The following LSAMP variants were observed in gnomAD, a reference collection of about 807,000 sequenced individuals.
LSAMP encodes the protein limbic system associated membrane protein.
Under a neutral mutation model 38.6 loss-of-function variants are expected in LSAMP, and 7 were observed. That is an observed-to-expected ratio of 0.18 (90% CI 0.10 to 0.34). The LOEUF is 0.34. LSAMP is among the 10% of genes least tolerant of loss of function. The probability of loss-of-function intolerance (pLI) is 1.00; values close to 1 mark genes in which losing one functional copy is unlikely to be tolerated. For missense variants in LSAMP, 313 were observed against 420.0 expected (o/e 0.75, Z 2.23); for synonymous variants, 154 against 166.8 (o/e 0.92, Z 0.59).
chr3:115,910,519 A>T (rs1439720369), intron 3 of LSAMP, among the ~76,000 whole-genome samples: 2 of 152,222 alleles, frequency 1.3e-5, no homozygotes, highest in African/African-American at 4.8e-5. Context: ...GTTTTAAGAA[A>T]TAATACAGAG....
chr3:116,332,412 T>C (rs926838595), intron 1 of LSAMP, among the ~76,000 whole-genome samples: 1 of 152,122 alleles, frequency 6.6e-6, no homozygotes, highest in Admixed American at 6.6e-5. Context: ...TAAACTGATA[T>C]AAATCCAAAT....
In LSAMP at chr3:115,926,393, G is replaced by A. The variant is rs57772041; in HGVS notation, c.515-73776C>T. On this transcript the variant is annotated intron_variant, in intron 3 of 6. Coordinates refer to ENST00000490035, the MANE Select transcript of LSAMP (RefSeq NM_002338.5). ...AAGAACAGAGGACAGGAAATCACAC[G>A]GAAATGGTTTTGAACCAACATATAC... Among the ~76,000 whole-genome samples, 1,058 of 152,286 alleles carry A rather than the reference G, an allele frequency of 6.9e-3. 12 individuals are homozygous for A. Among genetic ancestry groups the A allele is most frequent in the African/African-American group, 0.023 (965 of 41,570 alleles).
In LSAMP at chr3:115,847,750, T is replaced by C. The variant is rs530031650; in HGVS notation, c.649+4733A>G. On this transcript the variant is annotated intron_variant, in intron 4 of 6. Coordinates refer to ENST00000490035, the MANE Select transcript of LSAMP (RefSeq NM_002338.5). Reference sequence around the variant, plus strand: ...GTTTCCCCTTTGCTTTCTACCATGATTGTAAGTTTCCTGAGGCCTCCCCAG... The same window carrying C: ...GTTTCCCCTTTGCTTTCTACCATGACTGTAAGTTTCCTGAGGCCTCCCCAG... Among the ~76,000 whole-genome samples the C allele has an allele frequency of 6.5e-4, 99 of 152,326 alleles. 1 individual carries two copies. The highest frequency in any genetic ancestry group is 2.1e-3 in the African/African-American group (89 of 41,574).
At chr3:116,042,588 C>T (rs909943418) in intron 2 of LSAMP, among the ~76,000 whole-genome samples, 2 of 152,058 alleles carry the variant, frequency 1.3e-5, no homozygotes, top group African/African-American at 4.8e-5. Flanking sequence ...TGCCACCATG[C>T]CCGGTTAATT....
At chr3:116,265,950 TTG>T (rs1399999522) in intron 1 of LSAMP, among the ~76,000 whole-genome samples, 5 of 101,946 alleles carry the variant, frequency 4.9e-5, no homozygotes, top group Non-Finnish European at 1.3e-4. Context: ...GTTTAAAAAG[TTG>T]TGGGGTTTTT....
chr3:116,158,919 C>G (rs1709819970), intron 1 of LSAMP, among the ~76,000 whole-genome samples: 1 of 151,820 alleles, frequency 6.6e-6, no homozygotes, highest in South Asian at 2.1e-4. Flanking sequence ...CGAAACAAAA[C>G]AAAACAGAAA....
intron 1 of LSAMP, among the ~76,000 whole-genome samples, chr3:116,389,738 C>T (rs2048668447): frequency 1.3e-5 from 2 of 152,112 alleles, no homozygotes; most frequent in Non-Finnish European, 2.9e-5. Context: ...ACATGATGTT[C>T]ATTTATCTTC....
intron 2 of LSAMP, among the ~76,000 whole-genome samples, chr3:116,050,234 A>G (rs989263526): frequency 1.3e-5 from 2 of 152,090 alleles, no homozygotes; most frequent in Non-Finnish European, 2.9e-5. Context: ...GGCTCTCTGC[A>G]CACAGTGCTC....
chr3:115,874,548 A>G lies in LSAMP; in HGVS notation c.515-21931T>C, dbSNP rs952694943. Among the ~76,000 whole-genome samples the G allele has an allele frequency of 6.6e-5, 10 of 152,138 alleles. No homozygotes were observed. The East Asian group carries it at 1.7e-3, about 27-fold the overall frequency. ...GGCCCATTTATCTATATATTCCCCC[A>G]TTGCTTCATTGACTTGTACATTTAT... On this transcript the variant is annotated intron_variant, in intron 3 of 6. Coordinates refer to ENST00000490035, the MANE Select transcript of LSAMP (RefSeq NM_002338.5).
chr3:116,436,274 C>T (rs2049348025), intron 1 of LSAMP, among the ~76,000 whole-genome samples: 2 of 152,110 alleles, frequency 1.3e-5, no homozygotes, highest in African/African-American at 4.8e-5. Flanking sequence ...AAAACCTTTC[C>T]AGACATTGGC....
intron 1 of LSAMP, among the ~76,000 whole-genome samples, chr3:116,125,210 T>C (rs980864761): frequency 3.3e-5 from 5 of 152,164 alleles, no homozygotes; most frequent in Non-Finnish European, 1.5e-5. Flanking sequence ...TGTCAACATA[T>C]AATGAAGTTT....
chr3:116,294,153 C>T (rs2047300881), intron 1 of LSAMP, among the ~76,000 whole-genome samples: 3 of 152,094 alleles, frequency 2.0e-5, no homozygotes, highest in African/African-American at 2.4e-5. Flanking sequence ...TGTAAAAAAG[C>T]CAGACCCATA....
intron 1 of LSAMP, among the ~76,000 whole-genome samples, chr3:116,385,674 T>G (rs17647091): frequency 0.16 from 23,763 of 152,106 alleles, 2,211 homozygotes; most frequent in African/African-American, 0.25. Flanking sequence ...CACCCTGTAT[T>G]TTATTGGAAT....
intron 2 of LSAMP, among the ~76,000 whole-genome samples, chr3:116,081,235 G>A (rs990674155): frequency 6.6e-6 from 1 of 152,058 alleles, no homozygotes; most frequent in African/African-American, 2.4e-5. Flanking sequence ...AGGCTGAGGC[G>A]GGTGGATCAC....
intron 3 of LSAMP, among the ~76,000 whole-genome samples, chr3:116,015,177 T>G (rs2107681144): frequency 6.6e-6 from 1 of 152,308 alleles, no homozygotes; most frequent in Admixed American, 6.5e-5. Flanking sequence ...TGGGTTGTTC[T>G]CAGCCTAAAG....
chr3:116,042,371 G>C (rs1404356609), intron 2 of LSAMP, among the ~76,000 whole-genome samples: 2 of 151,128 alleles, frequency 1.3e-5, no homozygotes, highest in Non-Finnish European at 2.9e-5. Context: ...CATCTGTTCT[G>C]TTCTATCGGT....
intron 1 of LSAMP, among the ~76,000 whole-genome samples, chr3:116,283,178 AAG>A (rs2047149187): frequency 6.6e-6 from 1 of 151,716 alleles, no homozygotes. Flanking sequence ...AAAGTAAAGA[AAG>A]AGAGGAAAAA....
At chr3:116,269,726 A>C (rs1362002666) in intron 1 of LSAMP, among the ~76,000 whole-genome samples, 2 of 152,130 alleles carry the variant, frequency 1.3e-5, no homozygotes, top group Non-Finnish European at 2.9e-5. Context: ...TGTCCTGAGC[A>C]AATGGGGACA....
At position 116,188,356 on chromosome 3, in the gene LSAMP, T is replaced by TTA. The variant is rs1710673365; in HGVS notation, c.156-101801_156-101800insTA. 2.0e-5 allele frequency among the ~76,000 whole-genome samples: 3 copies of TTA among 152,290 alleles called. No homozygotes were observed. In the East Asian group the frequency reaches 5.8e-4, roughly 29 times the overall value. Reference sequence around the variant, plus strand: ...CAGCTCTATTGATTAAAGGTCTAATTTGATACCCTACAACATATTTATGAA... The same window carrying TTA: ...CAGCTCTATTGATTAAAGGTCTAATTTATGATACCCTACAACATATTTATGAA... On this transcript the variant is annotated intron_variant, in intron 1 of 6. Transcript: ENST00000490035.
Sources: allele counts gnomAD v4.1 joint callset (sites outside exome capture counted in the v4.1 genomes callset), GRCh38; gene constraint gnomAD v4.1.1; transcripts MANE v1.5; gene names NCBI Gene and HGNC (gene_info 2026-07-23, HGNC 2026-07-21).